The following EPHB1 variants were observed in gnomAD, a reference collection of about 807,000 sequenced individuals.
The protein encoded by EPHB1 is ephrin type-B receptor 1.
A neutral mutation model predicts 94.4 loss-of-function variants in EPHB1; 30 were observed. That is an observed-to-expected ratio of 0.32 (90% confidence interval 0.24 to 0.43). EPHB1 has a LOEUF of 0.43. Among genes scored for constraint, EPHB1 ranks in the 20% least tolerant of loss-of-function variants. EPHB1 has a pLI of 1.00. For missense variants in EPHB1, 1,055 were observed against 1,308.3 expected (o/e 0.81, Z 2.99); for synonymous variants, 522 against 489.1 (o/e 1.07, Z -0.89).
In EPHB1 at chr3:134,951,470, A is replaced by G. The variant is rs771735746; in HGVS notation, c.223A>G (p.Thr75Ala). 2.4e-5 allele frequency: 38 copies of G among 1,613,294 alleles called. No individual in the cohort carries two copies. In the Middle Eastern group the frequency reaches 5.0e-4, roughly 21 times the overall value. ...EPNQNNWLLT[T>A]FINRRGAHRI... ...CAACCAGAACAATTGGCTGCTCACC[A>G]CCTTCATCAACCGGCGGGGGGCCCA... Residue 75 changes from threonine to alanine, a missense_variant, in exon 3 of 16, where the codon ACC becomes GCC. Coordinates refer to ENST00000398015, the MANE Select transcript of EPHB1 (RefSeq NM_004441.5). This position sits in a 1 kb window ranked among gnomAD's most constrained non-coding sequence, Gnocchi z 4.5.
intron 1 of EPHB1, among the ~76,000 whole-genome samples, chr3:134,860,244 G>A (rs776540476): frequency 6.6e-6 from 1 of 151,294 alleles, no homozygotes; most frequent in Non-Finnish European, 1.5e-5. Context: ...CCAGTCTCCT[G>A]TTCTGGGAGC....
intron 1 of EPHB1, among the ~76,000 whole-genome samples, chr3:134,813,285 C>T (rs1363149805): frequency 6.6e-6 from 1 of 152,174 alleles, no homozygotes; most frequent in Non-Finnish European, 1.5e-5. Context: ...CCCTCCAGTT[C>T]CAATCTCATC....
At position 134,980,273 on chromosome 3, in the gene EPHB1, C is replaced by T. The variant is rs567052190; in HGVS notation, c.805+28221C>T. Among the ~76,000 whole-genome samples the T allele has an allele frequency of 6.6e-5, 10 of 152,152 alleles. No homozygotes were observed. In the East Asian group the frequency reaches 7.7e-4, roughly 12 times the overall value. On this transcript the variant is annotated intron_variant, in intron 3 of 15. Coordinates refer to ENST00000398015, the MANE Select transcript of EPHB1 (RefSeq NM_004441.5). ...GAGCTTCCTCATAGCATGGTGGTCTCGGTGCAATTGGATTTCTTATGTGGT... is the reference window on the plus strand; with the variant it reads ...GAGCTTCCTCATAGCATGGTGGTCTTGGTGCAATTGGATTTCTTATGTGGT...
intron 9 of EPHB1, among the ~76,000 whole-genome samples, chr3:135,172,134 A>G (rs922628096): frequency 2.6e-4 from 39 of 152,204 alleles, no homozygotes; most frequent in African/African-American, 9.4e-4. Context: ...GCTGTCCAGA[A>G]GAGAGCAGCT....
At chr3:135,188,120 A>G (rs773862410) in intron 10 of EPHB1, among the ~76,000 whole-genome samples, 4 of 151,818 alleles carry the variant, frequency 2.6e-5, no homozygotes, top group Non-Finnish European at 5.9e-5. Flanking sequence ...AATCTCTTGA[A>G]CGTGGGAAGT....
chr3:134,829,311 G>A (rs926638441), intron 1 of EPHB1, among the ~76,000 whole-genome samples: 1 of 152,148 alleles, frequency 6.6e-6, no homozygotes, highest in African/African-American at 2.4e-5. Context: ...CAAATCATGA[G>A]AGTTTCCTCT....
At chr3:134,939,455 G>T (rs2039074875) in intron 2 of EPHB1, among the ~76,000 whole-genome samples, 1 of 152,156 alleles carries the variant, frequency 6.6e-6, no homozygotes, top group East Asian at 1.9e-4. Context: ...AGGTAAGCTG[G>T]TGCTCACAGC....
chr3:134,795,586 C>A lies in EPHB1; in HGVS notation c.-46C>A. 1 of 1,587,374 alleles carries A rather than the reference C, an allele frequency of 6.3e-7. No individual in the cohort carries two copies. Among genetic ancestry groups the A allele is most frequent in the South Asian group, 1.1e-5 (1 of 89,634 alleles). On this transcript the variant is annotated 5_prime_UTR_variant, in exon 1 of 16. Transcript: ENST00000398015. ...GCCCTGGGACGCGGCGCTCTCCCGG[C>A]GCTGCTGCCTCGGCTTGGTCTCGGC...
At chr3:134,879,491 A>G (rs2037684926) in intron 1 of EPHB1, among the ~76,000 whole-genome samples, 1 of 151,628 alleles carries the variant, frequency 6.6e-6, no homozygotes, top group Admixed American at 6.6e-5. Context: ...ACAAAAAAAT[A>G]AAATAAAATA....
chr3:135,107,671 G>T (rs553613563), intron 4 of EPHB1, among the ~76,000 whole-genome samples: 1 of 152,272 alleles, frequency 6.6e-6, no homozygotes, highest in South Asian at 2.1e-4. Flanking sequence ...CAGAAAAAGT[G>T]ACTGGACTCT....
At chr3:134,839,596 G>A (rs867631970) in intron 1 of EPHB1, among the ~76,000 whole-genome samples, 18 of 151,924 alleles carry the variant, frequency 1.2e-4, no homozygotes, top group South Asian at 4.2e-4. Context: ...GACTGAGAGC[G>A]CCCAATTCTG....
intron 1 of EPHB1, among the ~76,000 whole-genome samples, chr3:134,804,151 A>T (rs568132359): frequency 8.8e-4 from 116 of 132,350 alleles, no homozygotes; most frequent in Non-Finnish European, 1.6e-3. Flanking sequence ...TGCTAAAGAC[A>T]TACCTGAGAC....
At chr3:134,823,749 A>T (rs1296285560) in intron 1 of EPHB1, 3 of 152,360 alleles carry the variant, frequency 2.0e-5, no homozygotes, top group South Asian at 4.1e-4. Flanking sequence ...ATCCATGCTG[A>T]TGTTCACTCA....
In EPHB1 at chr3:135,076,234, GATATAT is replaced by G. The variant is rs60727518; in HGVS notation, c.806-30192_806-30187del. Among the ~76,000 whole-genome samples, 947 of 131,168 alleles carry G rather than the reference GATATAT, an allele frequency of 7.2e-3. 26 individuals are homozygous for G. The highest frequency in any genetic ancestry group is 0.025 in the African/African-American group (686 of 27,014). 86.1% of individuals were successfully genotyped at this position (131,168 alleles called of 152,430 possible). On this transcript the variant is annotated intron_variant, in intron 3 of 15. Transcript: ENST00000398015. ...TTTGTATATCATTTATCTGAAAAGG[GATATAT>G]ATATATATATATATATATATAACTC... is the stretch of plus-strand genomic sequence containing the variant.
intron 1 of EPHB1, among the ~76,000 whole-genome samples, chr3:134,807,377 A>G (rs1490037464): frequency 4.6e-5 from 7 of 152,160 alleles, no homozygotes; most frequent in African/African-American, 1.7e-4. Context: ...CGCAGACTAC[A>G]GGCTGTAATA....
intron 3 of EPHB1, among the ~76,000 whole-genome samples, chr3:134,993,075 A>G (rs1482814700): frequency 6.6e-6 from 1 of 152,214 alleles, no homozygotes; most frequent in Non-Finnish European, 1.5e-5. Flanking sequence ...AGGCATCTCA[A>G]AGTCCAGAAT....
At chr3:134,872,744 C>G (rs902611184) in intron 1 of EPHB1, among the ~76,000 whole-genome samples, 1 of 152,120 alleles carries the variant, frequency 6.6e-6, no homozygotes, top group African/African-American at 2.4e-5. Context: ...TAGTACTTCC[C>G]CCTCCCCACA....
At chr3:134,917,369 G>T (rs2038597022) in intron 1 of EPHB1, among the ~76,000 whole-genome samples, 1 of 152,212 alleles carries the variant, frequency 6.6e-6, no homozygotes, top group African/African-American at 2.4e-5. Context: ...CCCATGCTCT[G>T]GTCTGCTTCT....
chr3:135,141,145 CT>C (rs59743607), intron 5 of EPHB1, among the ~76,000 whole-genome samples: 19,300 of 131,238 alleles, frequency 0.15, 973 homozygotes, highest in Middle Eastern at 0.22. Context: ...CTTTCCTTTC[CT>C]TTTTTTTTTT....
Sources: gnomAD v4.1 joint callset for allele counts (sites outside exome capture counted in the v4.1 genomes callset) on GRCh38, gnomAD v4.1.1 for gene constraint, Gnocchi (gnomAD v3.1) non-coding constraint, MANE v1.5 for transcripts, NCBI Gene and HGNC (gene_info 2026-07-23, HGNC 2026-07-21) for gene names.